The following PACS1 variants were observed in gnomAD, a reference collection of about 807,000 sequenced individuals.
PACS1 encodes PACS-1.
A neutral mutation model predicts 115.0 loss-of-function variants in PACS1; 24 were observed. The ratio of observed to expected loss-of-function variants is 0.21; its 90% CI spans 0.15 to 0.29. The LOEUF (loss-of-function observed/expected upper bound fraction) is 0.29. Ranked by LOEUF, PACS1 falls within the 10% of genes least tolerant of loss-of-function variation. The pLI is 1.00. For missense variants in PACS1, 838 were observed against 1,251.2 expected, an observed-to-expected ratio of 0.67 and a Z score of 4.98; for synonymous variants, 453 against 504.5, an observed-to-expected ratio of 0.90 and a Z score of 1.37.
At chr11:66,079,585 G>A (rs942310302) in intron 1 of PACS1, among the ~76,000 whole-genome samples, 2 of 152,034 alleles carry the variant, frequency 1.3e-5, no homozygotes, top group Admixed American at 1.3e-4. Context: ...ACCACTAGTG[G>A]CAGTTCAGAG....
intron 3 of PACS1, among the ~76,000 whole-genome samples, chr11:66,210,694 A>G (rs1855050154): frequency 6.6e-6 from 1 of 152,138 alleles, no homozygotes; most frequent in Admixed American, 6.5e-5. Context: ...TGCCTTGGCT[A>G]ACACTGTTAG....
chr11:66,202,814 G>C (rs1018277332), intron 2 of PACS1, among the ~76,000 whole-genome samples: 2 of 129,616 alleles, frequency 1.5e-5, no homozygotes, highest in Admixed American at 8.1e-5. Flanking sequence ...ATTCAACAAG[G>C]CTTCATGATA....
intron 10 of PACS1, 124 bp downstream of exon 10, chr11:66,221,371 G>A (rs1260979423): frequency 2.5e-6 from 2 of 803,114 alleles, no homozygotes; most frequent in South Asian, 3.1e-5. Context: ...CCATTGGCTG[G>A]GCATGGTGGA....
chr11:66,148,041 A>C (rs1448637474), intron 1 of PACS1, among the ~76,000 whole-genome samples: 1 of 152,166 alleles, frequency 6.6e-6, no homozygotes, highest in Non-Finnish European at 1.5e-5. Flanking sequence ...AACAAAAGAC[A>C]TAAGGAAAAA....
chr11:66,197,935 T>C (rs545674860), intron 2 of PACS1, among the ~76,000 whole-genome samples: 3 of 152,354 alleles, frequency 2.0e-5, no homozygotes, highest in African/African-American at 7.2e-5. Context: ...TTGCAACACA[T>C]TGAGTCCAAA....
At chr11:66,195,674 A>T (rs1173465845) in intron 2 of PACS1, among the ~76,000 whole-genome samples, 1 of 152,226 alleles carries the variant, frequency 6.6e-6, no homozygotes, top group African/African-American at 2.4e-5. Flanking sequence ...GCTGAAAGTA[A>T]TTACAGATGT....
intron 1 of PACS1, among the ~76,000 whole-genome samples, chr11:66,085,074 G>T (rs182425719): frequency 3.0e-4 from 45 of 152,350 alleles, no homozygotes; most frequent in African/African-American, 1.1e-3. Context: ...CAAAGAGGTA[G>T]ATTGCAGAAG....
chr11:66,190,450 G>A (rs376289321), intron 1 of PACS1, among the ~76,000 whole-genome samples: 2 of 152,228 alleles, frequency 1.3e-5, no homozygotes, highest in East Asian at 3.9e-4. Flanking sequence ...TTTTGAGATG[G>A]AGTCTCCCTC....
chr11:66,122,882 A>G (rs1399743515), intron 1 of PACS1, among the ~76,000 whole-genome samples: 1 of 152,260 alleles, frequency 6.6e-6, no homozygotes, highest in Non-Finnish European at 1.5e-5. Flanking sequence ...AATAATTTAT[A>G]ACAATAACTA....
chr11:66,176,921 T>A (rs184437190), intron 1 of PACS1, among the ~76,000 whole-genome samples: 1 of 152,306 alleles, frequency 6.6e-6, no homozygotes, highest in East Asian at 1.9e-4. Flanking sequence ...CTTGCATATG[T>A]CTCAGGTAAA....
chr11:66,138,416 TG>T (rs1303073553), intron 1 of PACS1, among the ~76,000 whole-genome samples: 4 of 152,044 alleles, frequency 2.6e-5, no homozygotes, highest in Non-Finnish European at 4.4e-5. Context: ...GCCATGCTGA[TG>T]CTGATGGTCC....
chr11:66,218,859 TAA>T (rs142576194), intron 7 of PACS1, among the ~76,000 whole-genome samples: 81 of 129,336 alleles, frequency 6.3e-4, no homozygotes, highest in Admixed American at 7.7e-4. Context: ...ACTCCATCTC[TAA>T]AAAAAAAAAA....
chr11:66,203,104 GGA>G (rs1471013246), intron 2 of PACS1, among the ~76,000 whole-genome samples: 1 of 151,964 alleles, frequency 6.6e-6, no homozygotes, highest in Non-Finnish European at 1.5e-5. Context: ...TCTTCTATGT[GGA>G]AAAACCTACA....
intron 1 of PACS1, among the ~76,000 whole-genome samples, chr11:66,185,647 C>G (rs1315751836): frequency 1.3e-5 from 2 of 152,192 alleles, no homozygotes; most frequent in Admixed American, 1.3e-4. Flanking sequence ...CGCACTGTAG[C>G]AGAGAGGTAG....
At chr11:66,162,901 G>T (rs897617060) in intron 1 of PACS1, among the ~76,000 whole-genome samples, 1 of 152,060 alleles carries the variant, frequency 6.6e-6, no homozygotes, top group Non-Finnish European at 1.5e-5. Context: ...AATCCTGATG[G>T]GTATAATAAA....
In PACS1 at chr11:66,139,012, C is replaced by T. The variant is rs540813953; in HGVS notation, c.357-54474C>T. On this transcript the variant is annotated intron_variant, in intron 1 of 23. Transcript: ENST00000320580. ...TGTATTTTTAAACAGGTTCCCCAGG[C>T]GACCCTTAGGCACACCAAAGTTTGA... Among the ~76,000 whole-genome samples the T allele has an allele frequency of 1.4e-3, 220 of 152,158 alleles. 3 individuals carry two copies. Among genetic ancestry groups the T allele is most frequent in the Non-Finnish European group, 6.2e-4 (42 of 68,016 alleles).
chr11:66,116,338 G>A (rs1271050203), intron 1 of PACS1, among the ~76,000 whole-genome samples: 1 of 152,178 alleles, frequency 6.6e-6, no homozygotes, highest in Non-Finnish European at 1.5e-5. Flanking sequence ...TACTGTGGTT[G>A]AATGAGACTG....
chr11:66,228,711 T>C (rs1241021156), intron 11 of PACS1, among the ~76,000 whole-genome samples: 1 of 152,012 alleles, frequency 6.6e-6, no homozygotes, highest in Non-Finnish European at 1.5e-5. Flanking sequence ...AACTAATCCA[T>C]GAGGGTGACG....
intron 1 of PACS1, among the ~76,000 whole-genome samples, chr11:66,173,927 C>T (rs1401036785): frequency 6.6e-6 from 1 of 152,174 alleles, no homozygotes; most frequent in African/African-American, 2.4e-5. Context: ...TGGCACGCGC[C>T]TGTAATCCCA....
Sources: allele counts gnomAD v4.1 joint callset (sites outside exome capture counted in the v4.1 genomes callset), GRCh38; gene constraint gnomAD v4.1.1; transcripts MANE v1.5; gene names NCBI Gene and HGNC (gene_info 2026-07-23, HGNC 2026-07-21).